APBA1: variants seen among roughly 807,000 people sequenced by gnomAD.
The protein encoded by APBA1 is amyloid-beta A4 precursor protein-binding family A member 1.
A neutral mutation model predicts 86.6 loss-of-function variants in APBA1; 55 were observed. The ratio of observed to expected loss-of-function variants is 0.64; its 90% confidence interval spans 0.51 to 0.80. The LOEUF is 0.80. Ranked by LOEUF, APBA1 falls within the 30% of genes least tolerant of loss-of-function variation. The pLI is 0.00. For synonymous variants in APBA1, 511 were observed against 493.9 expected (o/e 1.03, Z -0.46); for missense variants, 1,090 against 1,183.0 (o/e 0.92, Z 1.15).
intron 2 of APBA1, among the ~76,000 whole-genome samples, chr9:69,501,225 C>T (rs1051390411): frequency 1.3e-5 from 2 of 152,092 alleles, no homozygotes; most frequent in South Asian, 2.1e-4. Flanking sequence ...CTCTTATCGC[C>T]GCTCTTAAGA....
intron 11 of APBA1, among the ~76,000 whole-genome samples, chr9:69,435,045 G>GT (rs1834680504): frequency 6.7e-6 from 1 of 148,278 alleles, no homozygotes; most frequent in Non-Finnish European, 1.5e-5. Context: ...AACATGCAGT[G>GT]TTGGTTTTTT....
At chr9:69,659,881 C>G (rs1033538602) in intron 1 of APBA1, among the ~76,000 whole-genome samples, 1 of 152,196 alleles carries the variant, frequency 6.6e-6, no homozygotes, top group Non-Finnish European at 1.5e-5. Context: ...GGCTAAAATA[C>G]TTAAGCACTC....
chr9:69,449,524 G>A (rs1223348100), intron 10 of APBA1, 60 bp downstream of exon 10: 3 of 1,446,722 alleles, frequency 2.1e-6, no homozygotes, highest in Non-Finnish European at 2.9e-6. Context: ...CTGGATGGGG[G>A]TCACACTTCA....
At chr9:69,525,388 G>C (rs1836326274) in intron 1 of APBA1, among the ~76,000 whole-genome samples, 1 of 152,054 alleles carries the variant, frequency 6.6e-6, no homozygotes, top group Non-Finnish European at 1.5e-5. Context: ...CAAACTTTCA[G>C]GACATGACAT....
At chr9:69,491,419 C>T (rs1251528664) in intron 2 of APBA1, among the ~76,000 whole-genome samples, 1 of 151,264 alleles carries the variant, frequency 6.6e-6, no homozygotes, top group Non-Finnish European at 1.5e-5. Context: ...AACACTTAGA[C>T]ATAGGAAGGG....
At chr9:69,500,542 T>A (rs1220040270) in intron 2 of APBA1, among the ~76,000 whole-genome samples, 1 of 151,544 alleles carries the variant, frequency 6.6e-6, no homozygotes, top group Non-Finnish European at 1.5e-5. Flanking sequence ...CGCATCTGTG[T>A]GACTTGCTCT....
intron 1 of APBA1, among the ~76,000 whole-genome samples, chr9:69,586,750 T>C (rs544553373): frequency 6.6e-6 from 1 of 152,152 alleles, no homozygotes; most frequent in South Asian, 2.1e-4. Flanking sequence ...ATGAACTATA[T>C]CTGCATTTTC....
chr9:69,663,396 A>G (rs1823788306), intron 1 of APBA1, among the ~76,000 whole-genome samples: 1 of 152,242 alleles, frequency 6.6e-6, no homozygotes, highest in Non-Finnish European at 1.5e-5. Flanking sequence ...GTCCAGTATA[A>G]AAGTCCAAAT....
chr9:69,459,636 A>G (rs1022858387), intron 5 of APBA1, among the ~76,000 whole-genome samples: 6 of 152,244 alleles, frequency 3.9e-5, no homozygotes, highest in African/African-American at 1.4e-4. Context: ...ATTAAAAGAC[A>G]GCATAGTTGA....
At chr9:69,525,489 GC>G (rs1316218971) in intron 1 of APBA1, among the ~76,000 whole-genome samples, 3 of 151,286 alleles carry the variant, frequency 2.0e-5, no homozygotes, top group African/African-American at 7.3e-5. Context: ...AAATACCTGT[GC>G]CCCCCACCCC....
At chr9:69,596,397 T>C (rs1223503562) in intron 1 of APBA1, among the ~76,000 whole-genome samples, 2 of 152,238 alleles carry the variant, frequency 1.3e-5, no homozygotes, top group African/African-American at 4.8e-5. Flanking sequence ...TTTATCTGTG[T>C]ATTCATTATG....
At chr9:69,504,259 T>C (rs562017102) in intron 2 of APBA1, among the ~76,000 whole-genome samples, 1 of 152,110 alleles carries the variant, frequency 6.6e-6, no homozygotes, top group Non-Finnish European at 1.5e-5. Context: ...AGTTCATGTG[T>C]TCTTTGGCTC....
At chr9:69,593,459 C>CG (rs1472262375) in intron 1 of APBA1, among the ~76,000 whole-genome samples, 1 of 147,484 alleles carries the variant, frequency 6.8e-6, no homozygotes, top group Non-Finnish European at 1.5e-5. Flanking sequence ...GAATTATAAC[C>CG]GTAAGAATTA....
At chr9:69,469,580 T>C (rs1588303234) in intron 4 of APBA1, among the ~76,000 whole-genome samples, 1 of 152,220 alleles carries the variant, frequency 6.6e-6, no homozygotes, top group East Asian at 1.9e-4. Context: ...CAGACAAATC[T>C]GCCTCCACTC....
chr9:69,552,727 C>T (rs148186542), intron 1 of APBA1, among the ~76,000 whole-genome samples: 77 of 152,294 alleles, frequency 5.1e-4, no homozygotes, highest in Non-Finnish European at 8.4e-4. Context: ...CATTCATGTA[C>T]AGGAAGCTAC....
intron 5 of APBA1, chr9:69,460,729 T>G (rs1835178433): frequency 6.6e-6 from 1 of 151,372 alleles, no homozygotes. Context: ...TGAAAGGTAT[T>G]CTGAAACTTT....
At chr9:69,537,921 A>C (rs1392607815) in intron 1 of APBA1, among the ~76,000 whole-genome samples, 1 of 152,008 alleles carries the variant, frequency 6.6e-6, no homozygotes. Flanking sequence ...CTTTCCATAG[A>C]GAAACTTAAA....
chr9:69,476,276 T>G (rs530389526), intron 2 of APBA1, 133 bp from the exon 3 acceptor site: 2 of 611,858 alleles, frequency 3.3e-6, no homozygotes, highest in Non-Finnish European at 5.7e-6. Context: ...AGAAAACCTC[T>G]TAAAAAGGAG....
chr9:69,432,803 G>T, intron 11 of APBA1, 127 bp from the exon 12 acceptor site: 2 of 973,602 alleles, frequency 2.1e-6, no homozygotes, highest in Non-Finnish European at 2.8e-6. Context: ...TAGGCTTTGG[G>T]CATTTAACTC....
Sources: gnomAD v4.1 joint callset for allele counts (sites outside exome capture counted in the v4.1 genomes callset) on GRCh38, gnomAD v4.1.1 for gene constraint, MANE v1.5 for transcripts, NCBI Gene and HGNC (gene_info 2026-07-23, HGNC 2026-07-21) for gene names.